GAP43: variants seen among roughly 807,000 people sequenced by gnomAD.
GAP43 encodes the protein growth associated protein 43.
A neutral mutation model predicts 18.6 loss-of-function variants in GAP43; 6 were observed. That is an observed-to-expected ratio of 0.32 (90% CI 0.18 to 0.64). The LOEUF (loss-of-function observed/expected upper bound fraction) is 0.64. GAP43 is among the 30% of genes least tolerant of loss of function. The pLI is 0.78. For synonymous variants in GAP43, 115 were observed against 111.4 expected (o/e 1.03, Z -0.20); for missense variants, 292 against 295.5 (o/e 0.99, Z 0.09).
chr3:115,632,588 A>C (rs897232164), intron 1 of GAP43, among the ~76,000 whole-genome samples: 1 of 152,198 alleles, frequency 6.6e-6, no homozygotes, highest in Non-Finnish European at 1.5e-5. Context: ...AGAATTCTAC[A>C]AACCAAAGAA....
chr3:115,689,445 GA>G lies in GAP43; in HGVS notation c.628+12838del, dbSNP rs138692798. On this transcript the variant is annotated intron_variant, in intron 2 of 2. Coordinates refer to ENST00000305124, the MANE Select transcript of GAP43 (RefSeq NM_002045.4). ...AGAGATTTCTTTTCATAAACAGCTT[GA>G]AAGGGAAAGAACCATTTAATTTTTT... Among the ~76,000 whole-genome samples the G allele has an allele frequency of 6.7e-3, 1,021 of 152,206 alleles. 13 individuals are homozygous for G. Among genetic ancestry groups the G allele is most frequent in the African/African-American group, 0.023 (944 of 41,532 alleles).
At chr3:115,710,862 C>T (rs980246881) in intron 2 of GAP43, among the ~76,000 whole-genome samples, 1 of 152,072 alleles carries the variant, frequency 6.6e-6, no homozygotes, top group Non-Finnish European at 1.5e-5. Flanking sequence ...CCTTCTTTTC[C>T]GTTTTTATGT....
At chr3:115,677,689 C>T (rs538073353) in intron 2 of GAP43, among the ~76,000 whole-genome samples, 7 of 152,284 alleles carry the variant, frequency 4.6e-5, no homozygotes, top group Admixed American at 1.3e-4. Flanking sequence ...CCTTTAGAAG[C>T]GCCTCGGTTT....
Position 115,684,706 on chromosome 3 carries a change from C to T in GAP43, c.628+8096C>T, listed in dbSNP as rs140105696. On this transcript the variant is annotated intron_variant, in intron 2 of 2. Transcript: ENST00000305124. Reference sequence around the variant, plus strand: ...ATGTAATCAGGATATGTTTGTGAACCTACAGTGGGTTGAGGAGAGTTAAGA... The same window carrying T: ...ATGTAATCAGGATATGTTTGTGAACTTACAGTGGGTTGAGGAGAGTTAAGA... Among the ~76,000 whole-genome samples the T allele has an allele frequency of 6.4e-3, 979 of 152,222 alleles. 7 individuals are homozygous for T. The highest frequency in any genetic ancestry group is 0.014 in the Middle Eastern group (4 of 294).
intron 2 of GAP43, among the ~76,000 whole-genome samples, chr3:115,678,418 T>G (rs1267722884): frequency 1.3e-5 from 2 of 152,162 alleles, no homozygotes; most frequent in African/African-American, 4.8e-5. Flanking sequence ...TTTGAATCAG[T>G]AGGAAGTCTA....
chr3:115,630,573 T>A lies in GAP43; in HGVS notation c.30+6854T>A, dbSNP rs568879847. ...AGTAGTGTATTTTCTCTGACTGAAT[T>A]GGCATGTCCTTGAGAACAGCAGAAA... On this transcript the variant is annotated intron_variant, in intron 1 of 2. Coordinates refer to ENST00000305124, the MANE Select transcript of GAP43 (RefSeq NM_002045.4). Among the ~76,000 whole-genome samples, 7 of 152,360 alleles carry A rather than the reference T, an allele frequency of 4.6e-5. No homozygotes were observed. The East Asian group carries it at 1.3e-3, about 29-fold the overall frequency.
chr3:115,668,163 T>C (rs4831199), intron 1 of GAP43, among the ~76,000 whole-genome samples: 74,283 of 151,918 alleles, frequency 0.49, 18,832 homozygotes, highest in East Asian at 0.67. Context: ...GTCTGCTATA[T>C]CCAAAAGTTT....
At chr3:115,647,735 A>AAAAAC (rs1304757633) in intron 1 of GAP43, among the ~76,000 whole-genome samples, 2 of 129,042 alleles carry the variant, frequency 1.5e-5, no homozygotes, top group Non-Finnish European at 3.3e-5. Context: ...AAACAAAAAC[A>AAAAAC]AAAACAAAAC....
chr3:115,648,325 A>C (rs916571898), intron 1 of GAP43, among the ~76,000 whole-genome samples: 2 of 152,050 alleles, frequency 1.3e-5, no homozygotes, highest in South Asian at 4.1e-4. Context: ...TCCTCTGTCC[A>C]CTGGGCTCTT....
chr3:115,709,726 A>C (rs1230277513), intron 2 of GAP43, among the ~76,000 whole-genome samples: 4 of 152,130 alleles, frequency 2.6e-5, no homozygotes, highest in African/African-American at 9.7e-5. Context: ...TAAAATGCTA[A>C]TATGAAAAAA....
At chr3:115,670,664 A>G (rs1273068567) in intron 1 of GAP43, among the ~76,000 whole-genome samples, 1 of 152,200 alleles carries the variant, frequency 6.6e-6, no homozygotes, top group Non-Finnish European at 1.5e-5. Flanking sequence ...AAATTTTGTT[A>G]TGTGACTTTC....
At chr3:115,692,106 A>T (rs973692195) in intron 2 of GAP43, among the ~76,000 whole-genome samples, 2 of 152,184 alleles carry the variant, frequency 1.3e-5, no homozygotes, top group African/African-American at 2.4e-5. Context: ...TGGCAAAATG[A>T]CCTTGTCTTT....
chr3:115,625,490 G>A (rs1383932932), intron 1 of GAP43, among the ~76,000 whole-genome samples: 2 of 152,178 alleles, frequency 1.3e-5, no homozygotes, highest in African/African-American at 4.8e-5. Context: ...CTGGTGAGCT[G>A]GGGAAATAAC....
intron 2 of GAP43, among the ~76,000 whole-genome samples, chr3:115,708,687 G>T (rs1267444194): frequency 6.6e-6 from 1 of 152,142 alleles, no homozygotes; most frequent in East Asian, 1.9e-4. Flanking sequence ...AGAGGGGCAT[G>T]ACCCCTCAGG....
At chr3:115,693,610 A>G (rs1709142673) in intron 2 of GAP43, among the ~76,000 whole-genome samples, 1 of 151,930 alleles carries the variant, frequency 6.6e-6, no homozygotes, top group South Asian at 2.1e-4. Flanking sequence ...TAGAGTGTCT[A>G]CTCTGGTGTG....
chr3:115,655,732 T>C (rs1708571478), intron 1 of GAP43, among the ~76,000 whole-genome samples: 1 of 152,224 alleles, frequency 6.6e-6, no homozygotes, highest in Non-Finnish European at 1.5e-5. Flanking sequence ...TGCATTTTCA[T>C]TGAATACTAT....
At chr3:115,637,811 A>T (rs1195529557) in intron 1 of GAP43, among the ~76,000 whole-genome samples, 2 of 151,914 alleles carry the variant, frequency 1.3e-5, no homozygotes, top group East Asian at 3.9e-4. Context: ...CTTGCTCCCA[A>T]ATCTCTTCCC....
intron 1 of GAP43, among the ~76,000 whole-genome samples, chr3:115,640,232 A>G (rs902555655): frequency 6.6e-6 from 1 of 152,104 alleles, no homozygotes; most frequent in Non-Finnish European, 1.5e-5. Context: ...CTGAAAAAAT[A>G]TGTCACTTTT....
intron 1 of GAP43, among the ~76,000 whole-genome samples, chr3:115,673,825 A>G (rs1708843657): frequency 6.6e-6 from 1 of 152,198 alleles, no homozygotes. Context: ...AGTGCTTTTC[A>G]TTTACTCCTT....
Sources: gnomAD v4.1 joint callset for allele counts (sites outside exome capture counted in the v4.1 genomes callset) on GRCh38, gnomAD v4.1.1 for gene constraint, MANE v1.5 for transcripts, NCBI Gene and HGNC (gene_info 2026-07-23, HGNC 2026-07-21) for gene names.